Variants in KIF4A observed in about 807,000 individuals in gnomAD.
The protein encoded by KIF4A is kinesin family member 4A, also known as chromosome-associated kinesin KIF4A.
KIF4A carries 7 observed loss-of-function variants against 105.9 expected under a neutral mutation model. That is an observed-to-expected ratio of 0.07 (90% CI 0.04 to 0.12). The LOEUF (loss-of-function observed/expected upper bound fraction) is 0.12, where lower values mean the gene tolerates loss of function less well. Ranked by LOEUF, KIF4A falls within the 10% of genes least tolerant of loss-of-function variation. The pLI is 1.00. For synonymous variants in KIF4A, 281 were observed against 331.3 expected (o/e 0.85, Z 1.65); for missense variants, 558 against 929.2 (o/e 0.60, Z 5.19).
intron 18 of KIF4A, among the ~76,000 whole-genome samples, chrX:70,377,164 C>T (rs2086178228): frequency 9.0e-6 from 1 of 111,260 alleles, no homozygotes; most frequent in South Asian, 3.8e-4. Context: ...CCTCAAACTG[C>T]TGGTCTCAAG....
intron 11 of KIF4A, 123 bp downstream of exon 11, chrX:70,342,054 A>G (rs1460006641): frequency 1.1e-6 from 1 of 948,885 alleles, no homozygotes; most frequent in Admixed American, 3.1e-5. Context: ...TTGTATTACC[A>G]TATCCTCCAG....
intron 10 of KIF4A, among the ~76,000 whole-genome samples, chrX:70,339,310 G>C (rs144636770): frequency 0.013 from 1,492 of 111,179 alleles, 32 homozygotes; most frequent in African/African-American, 0.046. Flanking sequence ...AAAACTTAAA[G>C]TTGCTATAAT....
chrX:70,362,197 G>T, intron 15 of KIF4A: 1 of 308,657 alleles, frequency 3.2e-6, no homozygotes, highest in Non-Finnish European at 6.3e-6. Context: ...GGGTAGAGCA[G>T]GTCCAGATAG....
intron 15 of KIF4A, among the ~76,000 whole-genome samples, chrX:70,365,718 T>C (rs980693215): frequency 1.8e-5 from 2 of 111,390 alleles, no homozygotes; most frequent in African/African-American, 6.5e-5. Flanking sequence ...TTTTGTTGTG[T>C]CTCTGTCAGG....
At chrX:70,371,663 C>G (rs753739626) in intron 15 of KIF4A, among the ~76,000 whole-genome samples, 18 of 105,217 alleles carry the variant, frequency 1.7e-4, no homozygotes, top group Middle Eastern at 4.8e-3. Context: ...GCTGACCCCC[C>G]TACCTCCCTC....
chrX:70,332,830 C>T (rs760987294), intron 9 of KIF4A, among the ~76,000 whole-genome samples: 2 of 111,361 alleles, frequency 1.8e-5, no homozygotes, highest in South Asian at 3.8e-4. Context: ...AGGATGCTTA[C>T]ACTTGCGCTC....
chrX:70,396,319 T>C (rs2086259330), intron 22 of KIF4A: 2 of 200,567 alleles, frequency 1.0e-5, no homozygotes, highest in Non-Finnish European at 1.8e-5. Flanking sequence ...CTTATTAACA[T>C]TAGTGTCACT....
At chrX:70,414,433 A>G (rs2147743299) in intron 28 of KIF4A, among the ~76,000 whole-genome samples, 1 of 112,082 alleles carries the variant, frequency 8.9e-6, no homozygotes, top group South Asian at 3.8e-4. Flanking sequence ...GAACAGGACT[A>G]CTGGGTCCAT....
At chrX:70,317,506 A>G (rs1291657891) in intron 7 of KIF4A, among the ~76,000 whole-genome samples, 1 of 101,159 alleles carries the variant, frequency 9.9e-6, no homozygotes, top group African/African-American at 3.6e-5. Context: ...CTCTCCAGGT[A>G]TCCATTCTTC....
intron 20 of KIF4A, 22 bp downstream of exon 20, chrX:70,387,319 A>G (rs1479065140): frequency 9.2e-7 from 1 of 1,083,832 alleles, no homozygotes; most frequent in Non-Finnish European, 1.2e-6. Flanking sequence ...TTGAACTGCC[A>G]TTTCTCTTGT....
intron 7 of KIF4A, among the ~76,000 whole-genome samples, chrX:70,317,011 T>C (rs2147668595): frequency 8.9e-6 from 1 of 112,391 alleles, no homozygotes; most frequent in East Asian, 2.8e-4. Context: ...AACATTATGC[T>C]TGTGAGGTTC....
intron 22 of KIF4A, among the ~76,000 whole-genome samples, chrX:70,396,919 A>C (rs1344828641): frequency 9.0e-6 from 1 of 110,881 alleles, no homozygotes; most frequent in Non-Finnish European, 1.9e-5. Flanking sequence ...AAAATACAAA[A>C]GAAATTAGGT....
At chrX:70,352,130 A>G (rs773844536) in intron 13 of KIF4A, among the ~76,000 whole-genome samples, 4 of 112,014 alleles carry the variant, frequency 3.6e-5, no homozygotes, top group East Asian at 2.8e-4. Context: ...TAACCATTCT[A>G]TTTACTTTTC....
At chrX:70,291,923 A>G (rs750473864) in intron 3 of KIF4A, among the ~76,000 whole-genome samples, 2 of 111,928 alleles carry the variant, frequency 1.8e-5, no homozygotes, top group South Asian at 3.7e-4. Flanking sequence ...TCATTCCTTT[A>G]GAAGCCTTCT....
At chrX:70,293,486 G>A (rs761618853) in intron 3 of KIF4A, among the ~76,000 whole-genome samples, 1 of 112,075 alleles carries the variant, frequency 8.9e-6, no homozygotes, top group African/African-American at 3.2e-5. Flanking sequence ...GTACAATTAA[G>A]TAGCAAGTTA....
chrX:70,330,386 A>C (rs1317886243), intron 9 of KIF4A, 54 bp downstream of exon 9: 6 of 1,042,548 alleles, frequency 5.8e-6, no homozygotes, highest in Non-Finnish European at 7.9e-6. Context: ...GAGTGGAATG[A>C]TAGAGCTTCT....
At chrX:70,311,080 G>A (rs969575919) in intron 7 of KIF4A, among the ~76,000 whole-genome samples, 2 of 106,832 alleles carry the variant, frequency 1.9e-5, no homozygotes, top group Non-Finnish European at 3.9e-5. Context: ...AGCCAAGATC[G>A]CACCACAGCA....
chrX:70,420,479 G>A lies in KIF4A; in HGVS notation c.*214G>A, dbSNP rs1602823853. 4.4e-6 allele frequency: 2 copies of A among 453,961 alleles called. No individual in the cohort carries two copies. The highest frequency in any genetic ancestry group is 8.0e-5 in the East Asian group (2 of 25,117). The allele number at this position is 453,961 out of a possible 1,213,427, so 37.4% of individuals were successfully genotyped here. ...TCTATGTTCTCCAGAAGGGTGCTAAGTCACCTACTGAAGAGAGAACCAACT... is the reference window on the plus strand; with the variant it reads ...TCTATGTTCTCCAGAAGGGTGCTAAATCACCTACTGAAGAGAGAACCAACT... On this transcript the variant is annotated 3_prime_UTR_variant, in exon 31 of 31. Transcript: ENST00000374403.
At chrX:70,375,426 G>T in intron 17 of KIF4A, 78 bp downstream of exon 17, 3 of 966,033 alleles carry the variant, frequency 3.1e-6, no homozygotes, top group Middle Eastern at 5.4e-4. Context: ...TATACTAGAG[G>T]TGTTTTCAGG....
Sources: gnomAD v4.1 joint callset for allele counts (sites outside exome capture counted in the v4.1 genomes callset) on GRCh38, gnomAD v4.1.1 for gene constraint, MANE v1.5 for transcripts, NCBI Gene and HGNC (gene_info 2026-07-23, HGNC 2026-07-21) for gene names.